Variants in TFR2 observed in about 807,000 individuals in gnomAD.
TFR2 encodes the protein transferrin receptor 2.
In TFR2, 64 loss-of-function variants were observed where a neutral mutation model predicts 91.9. The observed-to-expected ratio is 0.70, with a 90% confidence interval of 0.57 to 0.86. The LOEUF (loss-of-function observed/expected upper bound fraction) is 0.86. Among genes scored for constraint, TFR2 ranks in the 40% least tolerant of loss-of-function variants. The pLI is 0.00. For missense variants in TFR2, 950 were observed against 1,080.5 expected (o/e 0.88, Z 1.69); for synonymous variants, 454 against 459.6 (o/e 0.99, Z 0.15).
chr7:100,632,549 CTCT>C (rs1803473075), intron 6 of TFR2, among the ~76,000 whole-genome samples: 1 of 135,896 alleles, frequency 7.4e-6, no homozygotes, highest in Non-Finnish European at 1.6e-5. Flanking sequence ...CTGTTTCTCT[CTCT>C]TTTTTTTTTT....
Position 100,638,028 on chromosome 7 carries a change from G to C in TFR2, c.473+2658C>G, listed in dbSNP as rs147526415. ...GTATTTGTTTTGTTTTTTTGAGACA[G>C]AGTCTTGCTCTGTCGCCCAGGCTGG... is the stretch of plus-strand genomic sequence containing the variant. On this transcript the variant is annotated intron_variant, in intron 3 of 17. Transcript: ENST00000223051. 8.0e-3 allele frequency among the ~76,000 whole-genome samples: 1,207 copies of C among 151,266 alleles called. 24 individuals are homozygous for C. Among genetic ancestry groups the C allele is most frequent in the African/African-American group, 0.028 (1,140 of 41,266 alleles).
intron 9 of TFR2, among the ~76,000 whole-genome samples, chr7:100,630,092 C>T (rs370892018): frequency 3.3e-5 from 5 of 152,090 alleles, no homozygotes; most frequent in East Asian, 3.9e-4. Flanking sequence ...TTTGTTGCCC[C>T]ATCTGTCAAT....
Position 100,627,597 on chromosome 7 carries a change from C to A in TFR2, c.1747G>T (p.Val583Phe). ...CTCACCTCCATAAAGGAGAACTCGA[C>A]GGCAGGGACTCCCACAAAGGCCGTG... is the stretch of plus-strand genomic sequence containing the variant. ...SFTAFVGVPA[V>F]EFSFMEDDQA... The change falls in exon 15 of 18, where the codon GTC becomes TTC. Residue 583 changes from valine to phenylalanine, a missense_variant. Physicochemically the swap from Val to Phe is conservative, Grantham distance 50 (BLOSUM62 -1). Transcript: ENST00000223051. The A allele has an allele frequency of 1.2e-6, 2 of 1,614,100 alleles. No homozygotes were observed. Among genetic ancestry groups the A allele is most frequent in the Non-Finnish European group, 1.7e-6 (2 of 1,179,990 alleles).
At position 100,620,985 on chromosome 7, in the gene TFR2, C is replaced by T. The variant is rs144665594; in HGVS notation, c.2278G>A (p.Gly760Arg). ...TGGAAGCCAGTGGAGGAGGTGGCCC[C>T]GGGGGTCCCGGAGCTGTTGGAGCGC... ...LLRSNSSGTP[G>R]ATSSTGFQES... Residue 760 changes from glycine (G) to arginine (R), a missense_variant, in exon 18 of 18, where the codon GGG becomes AGG. Transcript: ENST00000223051. 4.0e-4 allele frequency: 648 copies of T among 1,610,718 alleles called. 1 individual carries two copies. In the African/African-American group the frequency reaches 6.0e-3, roughly 15 times the overall value.
At chr7:100,628,439 G>A (rs1310343097) in intron 10 of TFR2, 133 bp from the exon 11 acceptor site, 22 of 892,754 alleles carry the variant, frequency 2.5e-5, no homozygotes, top group African/African-American at 1.5e-4. Flanking sequence ...TCACTCTCTC[G>A]CCCAGGCTGG....
At chr7:100,638,480 T>G (rs1803622459) in intron 3 of TFR2, among the ~76,000 whole-genome samples, 1 of 151,828 alleles carries the variant, frequency 6.6e-6, no homozygotes, top group African/African-American at 2.4e-5. Flanking sequence ...CTGGGCATGG[T>G]GGCTCATGCC....
chr7:100,630,621 A>C (rs376528257), intron 9 of TFR2, among the ~76,000 whole-genome samples: 1 of 152,098 alleles, frequency 6.6e-6, no homozygotes, highest in Admixed American at 6.6e-5. Flanking sequence ...ACATCATCCA[A>C]CTTAGGCTTA....
At position 100,627,582 on chromosome 7, in the gene TFR2, T is replaced by A. The variant is rs143251494; in HGVS notation, c.1762A>T (p.Met588Leu). The A allele has an allele frequency of 2.3e-4, 375 of 1,613,990 alleles. 3 individuals carry two copies. In the African/African-American group the frequency reaches 4.7e-3, roughly 20 times the overall value. The change falls in exon 15 of 18, where the codon ATG (methionine) becomes TTG (leucine). Residue 588 changes from methionine to leucine, a missense_variant. Met to Leu is a conservative substitution (Grantham distance 15). Coordinates refer to ENST00000223051, the MANE Select transcript of TFR2 (RefSeq NM_003227.4). ...GCAGGGGGAGGACGTCTCACCTCCATAAAGGAGAACTCGACGGCAGGGACT... is the reference window on the plus strand; with the variant it reads ...GCAGGGGGAGGACGTCTCACCTCCAAAAAGGAGAACTCGACGGCAGGGACT... The part of the protein sequence containing the change: ...VGVPAVEFSF[M>L]EDDQAYPFLH...
At chr7:100,639,019 T>C (rs1803636060) in intron 3 of TFR2, among the ~76,000 whole-genome samples, 1 of 152,088 alleles carries the variant, frequency 6.6e-6, no homozygotes, top group Non-Finnish European at 1.5e-5. Context: ...AAGGTTAGCG[T>C]TGAGCTCAGG....
chr7:100,633,721 T>C, intron 3 of TFR2, 165 bp from the exon 4 acceptor site: 1 of 1,011,662 alleles, frequency 9.9e-7, no homozygotes, highest in Non-Finnish European at 1.3e-6. Context: ...TTTTTTTTTT[T>C]TTTTTGAGAC....
At position 100,620,933 on chromosome 7, in the gene TFR2, G is replaced by A; in HGVS notation, c.2330C>T (p.Ala777Val). 3 of 1,614,154 alleles carry A rather than the reference G, an allele frequency of 1.9e-6. No homozygotes were observed. Among genetic ancestry groups the A allele is most frequent in the Non-Finnish European group, 2.5e-6 (3 of 1,180,006 alleles). ...FQESRFRRQL[A>V]LLTWTLQGAA... ...CCCTTGCAGCGTCCAGGTGAGCAGG[G>A]CTAGCTGACGCCGGAAACGGCTCTC... The change falls in exon 18 of 18, where the codon GCC becomes GTC. Residue 777 changes from alanine to valine, a missense_variant. Ala to Val is a moderately conservative substitution (Grantham distance 64). Transcript: ENST00000223051.
chr7:100,639,299 G>A (rs1468495530), intron 3 of TFR2, among the ~76,000 whole-genome samples: 4 of 152,154 alleles, frequency 2.6e-5, no homozygotes, highest in African/African-American at 9.7e-5. Flanking sequence ...CCTGGGAGGC[G>A]GAGGCTGCAG....
rs1803415263 is a variant in TFR2 at position 100,630,992 on chromosome 7, A to G, written c.1167T>C (p.Tyr389=). The G allele has an allele frequency of 6.2e-7, 1 of 1,603,430 alleles. No individual in the cohort carries two copies. The change falls in exon 9 of 18, where the codon TAT becomes TAC. Residue 389 remains tyrosine, a synonymous_variant. Coordinates refer to ENST00000223051, the MANE Select transcript of TFR2 (RefSeq NM_003227.4). ...GCAGTCGTGGCCCGGGGCCCAGGTGATAAGGGGAGCCTAGGAGGCTCCCCT... is the reference window on the plus strand; with the variant it reads ...GCAGTCGTGGCCCGGGGCCCAGGTGGTAAGGGGAGCCTAGGAGGCTCCCCT... ...EWQGSLLGSP[Y]HLGPGPRLRL...
Position 100,633,076 on chromosome 7 carries a change from G to T in TFR2, c.774C>A (p.Asp258Glu), listed in dbSNP as rs776828897. Residue 258 changes from aspartate (D) to glutamate (E), a missense_variant, in exon 6 of 18, where the codon GAC becomes GAA. Physicochemically the swap from Asp to Glu is conservative, Grantham distance 45. Transcript: ENST00000223051. Reference sequence around the variant, plus strand: ...CTGGATCCACGCCCCTGGCCCGCAGGTCCTGCAGGTCTTCGGGCCGCCCGT... The same window carrying T: ...CTGGATCCACGCCCCTGGCCCGCAGTTCCTGCAGGTCTTCGGGCCGCCCGT... ...AHYGRPEDLQ[D>E]LRARGVDPVG... is the part of the protein sequence containing the mutation. 9.9e-6 allele frequency: 16 copies of T among 1,613,572 alleles called. No individual in the cohort carries two copies. Among genetic ancestry groups the T allele is most frequent in the Non-Finnish European group, 1.4e-5 (16 of 1,179,974 alleles).
At position 100,621,263 on chromosome 7, in the gene TFR2, G is replaced by A. The variant is rs114125469; in HGVS notation, c.2137-137C>T. On this transcript the variant is annotated intron_variant, in intron 17 of 17. Coordinates refer to ENST00000223051, the MANE Select transcript of TFR2 (RefSeq NM_003227.4). ...TTTTGTGTTTGTTTTTTGTTTGTTC[G>A]TTTGTTTTGAGACGGAGTCTCGCTC... 2,495 of 1,229,456 alleles carry A rather than the reference G, an allele frequency of 2.0e-3. 34 individuals are homozygous for A. In the African/African-American group the frequency reaches 0.035, roughly 17 times the overall value. The allele number at this position is 1,229,456 out of a possible 1,614,324, so 76.2% of individuals were successfully genotyped here. A position where few individuals can be genotyped will look rare whatever the true frequency, so the allele number is the denominator to read the frequency against.
intron 3 of TFR2, 28 bp downstream of exon 3, chr7:100,640,658 G>T (rs372218209): frequency 5.0e-6 from 8 of 1,607,548 alleles, no homozygotes; most frequent in Admixed American, 3.3e-5. Context: ...GGACACTCGA[G>T]AACAGGATGG....
chr7:100,632,466 T>A (rs996102327), intron 6 of TFR2, among the ~76,000 whole-genome samples: 57 of 151,868 alleles, frequency 3.8e-4, no homozygotes. Context: ...ACATTTTCTT[T>A]TTTCCTTCTG....
At position 100,630,840 on chromosome 7, in the gene TFR2, T is replaced by C. The variant is rs762231662; in HGVS notation, c.1270+49A>G. 11 of 1,609,994 alleles carry C rather than the reference T, an allele frequency of 6.8e-6. No individual in the cohort carries two copies. The East Asian group carries it at 1.8e-4, about 26-fold the overall frequency. On this transcript the variant is annotated intron_variant, in intron 9 of 17. Transcript: ENST00000223051. ...TCTTGCCAGGGTGTATGGGCAGAAA[T>C]TCCCCCAGCCCACCACCAGCTGTGA...
At chr7:100,635,553 C>T (rs1486203461) in intron 3 of TFR2, among the ~76,000 whole-genome samples, 4 of 151,906 alleles carry the variant, frequency 2.6e-5, no homozygotes, top group African/African-American at 7.3e-5. Flanking sequence ...TCAAACAATT[C>T]TCCTGCCTCA....
Sources: gnomAD v4.1 joint callset for allele counts (sites outside exome capture counted in the v4.1 genomes callset) on GRCh38, gnomAD v4.1.1 for gene constraint, MANE v1.5 for transcripts, NCBI Gene and HGNC (gene_info 2026-07-23, HGNC 2026-07-21) for gene names.